IQSEC1: variants seen among roughly 807,000 people sequenced by gnomAD.
IQSEC1 encodes IQ motif and Sec7 domain ArfGEF 1.
IQSEC1 carries 31 observed loss-of-function variants against 91.0 expected under a neutral mutation model. The ratio of observed to expected loss-of-function variants is 0.34; its 90% CI spans 0.26 to 0.46. The LOEUF is 0.46. Ranked by LOEUF, IQSEC1 falls within the 20% of genes least tolerant of loss-of-function variation. The pLI, the probability that IQSEC1 is intolerant of heterozygous loss-of-function variation, is 1.00. For missense variants in IQSEC1, 1,388 were observed against 1,575.6 expected (o/e 0.88, Z 2.02); for synonymous variants, 699 against 662.6 (o/e 1.05, Z -0.84).
In IQSEC1 at chr3:12,919,099, G is replaced by A. The variant is rs564855794; in HGVS notation, c.2020+1331C>T. ...TCAGGATGAGAGGCCCCGGGTGGAT[G>A]TAGAGGAGGCCCGGCCTCCTGGCTG... On this transcript the variant is annotated intron_variant, in intron 6 of 13. Transcript: ENST00000613206. Among the ~76,000 whole-genome samples, 311 of 53,608 alleles carry A rather than the reference G, an allele frequency of 5.8e-3. 1 individual carries two copies. Among genetic ancestry groups the A allele is most frequent in the African/African-American group, 0.056 (294 of 5,210 alleles). 35.2% of individuals were successfully genotyped at this position (53,608 alleles called of 152,430 possible). A position where few individuals can be genotyped will look rare whatever the true frequency, so the allele number is the denominator to read the frequency against.
At chr3:13,272,316 A>G (rs1161677389) in intron 1 of IQSEC1, among the ~76,000 whole-genome samples, 1 of 152,226 alleles carries the variant, frequency 6.6e-6, no homozygotes, top group Non-Finnish European at 1.5e-5. Flanking sequence ...GGTTGCTATT[A>G]TTGCTCATCA....
At position 12,900,365 on chromosome 3, in the gene IQSEC1, A is replaced by G. The variant is rs1694110991; in HGVS notation, c.*618T>C. 9 of 984,738 alleles carry G rather than the reference A, an allele frequency of 9.1e-6. No individual in the cohort carries two copies. Among genetic ancestry groups the G allele is most frequent in the African/African-American group, 1.8e-5 (1 of 57,082 alleles). 61.0% of individuals were successfully genotyped at this position (984,738 alleles called of 1,614,324 possible). A position where few individuals can be genotyped will look rare whatever the true frequency, so the allele number is the denominator to read the frequency against. ...CACCCAGCTAAGGTACTGTCTTCCT[A>G]TTAGGTAAGTGGAGCTCCTTGTAAG... On this transcript the variant is annotated 3_prime_UTR_variant, in exon 14 of 14. Transcript: ENST00000613206.
chr3:13,172,483 G>A (rs1693636444), intron 1 of IQSEC1, among the ~76,000 whole-genome samples: 1 of 152,192 alleles, frequency 6.6e-6, no homozygotes, highest in African/African-American at 2.4e-5. Flanking sequence ...GAGCAGAGGA[G>A]AGCTGTGATA....
At chr3:13,065,601 T>C (rs1576229737) in intron 1 of IQSEC1, among the ~76,000 whole-genome samples, 1 of 152,204 alleles carries the variant, frequency 6.6e-6, no homozygotes, top group African/African-American at 2.4e-5. Flanking sequence ...ATGGCGAAGA[T>C]GTGGAGAAAC....
In IQSEC1 at chr3:12,935,487, C is replaced by T. The variant is rs141003089; in HGVS notation, c.1529G>A (p.Arg510His). 6.5e-4 allele frequency: 1,055 copies of T among 1,613,610 alleles called. 11 individuals are homozygous for T. In the South Asian group the frequency reaches 8.6e-3, roughly 13 times the overall value. ...CAGGCCGATGCGGTAGTGCCTCTTG[C>T]GGATGACATCGTTGCTAAAGGCAGG... Reference protein sequence around the residue: ...DSPAFSNDVIRKRHYRIGLNL... With the variant: ...DSPAFSNDVIHKRHYRIGLNL... Residue 510 changes from arginine to histidine, a missense_variant, in exon 3 of 14, where the codon CGC becomes CAC. Arg to His is a conservative substitution (Grantham distance 29). This residue lies in a region of IQSEC1 where 1,059 missense variants were observed against 1,317.8 expected (regional missense o/e 0.80). Coordinates refer to ENST00000613206, the MANE Select transcript of IQSEC1 (RefSeq NM_001134382.3). The surrounding 1 kb of genome is among the most constrained non-coding windows in gnomAD (Gnocchi z 8.0).
chr3:13,085,736 G>A (rs936038065), intron 2 of IQSEC1, among the ~76,000 whole-genome samples: 1 of 152,226 alleles, frequency 6.6e-6, no homozygotes, highest in African/African-American at 2.4e-5. Flanking sequence ...TTTCACAGAC[G>A]GACAGGAGGC....
At chr3:13,244,437 C>T (rs907893559) in intron 1 of IQSEC1, among the ~76,000 whole-genome samples, 6 of 152,180 alleles carry the variant, frequency 3.9e-5, no homozygotes, top group African/African-American at 7.2e-5. Context: ...CAGTGATTGT[C>T]GGTATATGTA....
At position 12,967,307 on chromosome 3, in the gene IQSEC1, C is replaced by G; in HGVS notation, c.24-25442G>C. On this transcript the variant is annotated intron_variant, in intron 1 of 13. Transcript: ENST00000613206. The surrounding 1 kb of genome is among the most constrained non-coding windows in gnomAD (Gnocchi z 5.9). Reference sequence around the variant, plus strand: ...CCGGTCCCGACGGTCACCCGCACTCCCGCACAGGCATCCCCACAGCCTGCG... The same window carrying G: ...CCGGTCCCGACGGTCACCCGCACTCGCGCACAGGCATCCCCACAGCCTGCG... 8 of 1,297,166 alleles carry G rather than the reference C, an allele frequency of 6.2e-6. No individual in the cohort carries two copies. The highest frequency in any genetic ancestry group is 6.3e-6 in the Non-Finnish European group (6 of 948,936). 80.4% of individuals were successfully genotyped at this position (1,297,166 alleles called of 1,614,324 possible). A position where few individuals can be genotyped will look rare whatever the true frequency, so the allele number is the denominator to read the frequency against.
chr3:13,026,625 A>T (rs1054782799), intron 1 of IQSEC1, among the ~76,000 whole-genome samples: 4 of 152,230 alleles, frequency 2.6e-5, no homozygotes, highest in Non-Finnish European at 5.9e-5. Context: ...AAGAAGGCGT[A>T]TAAACTAGAT....
At chr3:13,262,344 C>A (rs140898011) in intron 1 of IQSEC1, among the ~76,000 whole-genome samples, 1 of 152,304 alleles carries the variant, frequency 6.6e-6, no homozygotes, top group East Asian at 1.9e-4. Flanking sequence ...AGGGAGCAAG[C>A]CTGTCCCCGT....
At chr3:12,988,494 G>C (rs533598012) in intron 1 of IQSEC1, among the ~76,000 whole-genome samples, 2 of 152,166 alleles carry the variant, frequency 1.3e-5, no homozygotes, top group Non-Finnish European at 2.9e-5. Flanking sequence ...GGTGAATCTC[G>C]CAGATGCAAC....
At chr3:13,261,944 A>C (rs1176559286) in intron 1 of IQSEC1, among the ~76,000 whole-genome samples, 1 of 152,248 alleles carries the variant, frequency 6.6e-6, no homozygotes, top group African/African-American at 2.4e-5. Context: ...TCCTTGGGCA[A>C]CTTTCATAAA....
chr3:13,056,803 CT>C (rs1175384051), intron 1 of IQSEC1, among the ~76,000 whole-genome samples: 1 of 152,106 alleles, frequency 6.6e-6, no homozygotes, highest in Non-Finnish European at 1.5e-5. Flanking sequence ...CCCAATTCAC[CT>C]AGCAACTTAC....
At chr3:13,130,195 T>C (rs1305049857) in intron 2 of IQSEC1, among the ~76,000 whole-genome samples, 2 of 151,076 alleles carry the variant, frequency 1.3e-5, no homozygotes, top group African/African-American at 4.9e-5. Context: ...AATACAAAAA[T>C]TAGCCAGGTG....
chr3:13,072,849 C>T (rs1705481393), intron 1 of IQSEC1, 143 bp downstream of exon 1: 2 of 704,890 alleles, frequency 2.8e-6, no homozygotes, highest in East Asian at 2.8e-5. Context: ...GCGCCGGCAT[C>T]CCTGCTGGGT....
At chr3:13,219,297 G>A (rs1032207552) in intron 1 of IQSEC1, among the ~76,000 whole-genome samples, 7 of 152,162 alleles carry the variant, frequency 4.6e-5, no homozygotes, top group East Asian at 1.9e-4. Flanking sequence ...GAAGGTCAGC[G>A]GACTCCAGAA....
intron 2 of IQSEC1, among the ~76,000 whole-genome samples, chr3:13,102,829 G>C (rs543586646): frequency 6.6e-6 from 1 of 152,148 alleles, no homozygotes; most frequent in South Asian, 2.1e-4. Context: ...GCTCGTTCAC[G>C]GCTGCACCCC....
At position 12,900,901 on chromosome 3, in the gene IQSEC1, T is replaced by G; in HGVS notation, c.*82A>C. ...GATGGCAACAGAAGTGCCCCGGGTT[T>G]GGTGTGCGGCTGGCGACCCCCGGGC... On this transcript the variant is annotated 3_prime_UTR_variant, in exon 14 of 14. Coordinates refer to ENST00000613206, the MANE Select transcript of IQSEC1 (RefSeq NM_001134382.3). 6.5e-7 allele frequency: 1 copy of G among 1,535,702 alleles called. No individual in the cohort carries two copies. Among genetic ancestry groups the G allele is most frequent in the South Asian group, 1.2e-5 (1 of 83,850 alleles).
At chr3:13,082,207 G>T (rs1301834344) in intron 2 of IQSEC1, among the ~76,000 whole-genome samples, 1 of 152,228 alleles carries the variant, frequency 6.6e-6, no homozygotes, top group Non-Finnish European at 1.5e-5. Flanking sequence ...GAATCAACGT[G>T]TCGGTCGGTT....
Sources: gnomAD v4.1 joint callset for allele counts (sites outside exome capture counted in the v4.1 genomes callset) on GRCh38, gnomAD v4.1.1 for gene constraint, gnomAD v4.1.1 regional missense constraint, Gnocchi (gnomAD v3.1) non-coding constraint, MANE v1.5 for transcripts, NCBI Gene and HGNC (gene_info 2026-07-23, HGNC 2026-07-21) for gene names.